PRDM10: variants seen among roughly 807,000 people sequenced by gnomAD.
PRDM10 encodes the protein PR domain zinc finger protein 10.
In PRDM10, 65 loss-of-function variants were observed where a neutral mutation model predicts 133.1. That is an observed-to-expected ratio of 0.49 (90% CI 0.40 to 0.60). The LOEUF (loss-of-function observed/expected upper bound fraction) is 0.60. PRDM10 is among the 20% of genes least tolerant of loss of function. PRDM10 has a pLI of 0.00. For missense variants in PRDM10, 1,137 were observed against 1,507.1 expected, an observed-to-expected ratio of 0.75 and a Z score of 4.07; for synonymous variants, 582 against 580.4, an observed-to-expected ratio of 1.00 and a Z score of -0.04.
intron 10 of PRDM10, among the ~76,000 whole-genome samples, chr11:129,931,519 C>T (rs1459242362): frequency 1.3e-5 from 2 of 151,938 alleles, no homozygotes; most frequent in Non-Finnish European, 2.9e-5. Flanking sequence ...ACAAAGTCCA[C>T]CTCTACTAAC....
rs994584906 is a variant in PRDM10, at chr11:129,947,012, G to A, written c.520+133C>T. 1.6e-6 allele frequency: 2 copies of A among 1,247,174 alleles called. No homozygotes were observed. The highest frequency in any genetic ancestry group is 1.5e-5 in the African/African-American group (1 of 66,474). The allele number at this position is 1,247,174 out of a possible 1,614,324, so 77.3% of individuals were successfully genotyped here. On this transcript the variant is annotated intron_variant, in intron 5 of 20. Coordinates refer to ENST00000360871, the MANE Select transcript of PRDM10 (RefSeq NM_199437.2). This position sits in a 1 kb window ranked among gnomAD's most constrained non-coding sequence, Gnocchi z 4.6. ...GTGAAGGCCAGGTGGGATGAAGCAA[G>A]CAGAGAATGTAGCACAGTTGGCTGC... is the stretch of plus-strand genomic sequence containing the variant.
chr11:129,932,048 T>C (rs1425141211), intron 10 of PRDM10, 54 bp downstream of exon 10: 3 of 1,574,430 alleles, frequency 1.9e-6, no homozygotes, highest in African/African-American at 2.7e-5. Flanking sequence ...GTCAGGGATC[T>C]GGCGAGTCCT....
intron 3 of PRDM10, among the ~76,000 whole-genome samples, chr11:129,957,471 C>T (rs184768871): frequency 3.3e-5 from 5 of 152,200 alleles, no homozygotes; most frequent in African/African-American, 1.2e-4. Context: ...GTGCCCACCA[C>T]CACGCCCAGC....
intron 1 of PRDM10, among the ~76,000 whole-genome samples, chr11:130,000,584 G>C (rs1939298012): frequency 6.6e-6 from 1 of 152,146 alleles, no homozygotes; most frequent in Non-Finnish European, 1.5e-5. Flanking sequence ...ATATGTGGTG[G>C]AGCATGCTAC....
At chr11:129,999,893 CTT>C (rs762159678) in intron 1 of PRDM10, among the ~76,000 whole-genome samples, 42 of 152,260 alleles carry the variant, frequency 2.8e-4, no homozygotes, top group Middle Eastern at 6.8e-3. Context: ...CTATTTACGT[CTT>C]GTTTTAAAAA....
At chr11:129,967,849 A>T (rs12288311) in intron 1 of PRDM10, among the ~76,000 whole-genome samples, 29,039 of 152,084 alleles carry the variant, frequency 0.19, 5,217 homozygotes, top group East Asian at 0.51. Flanking sequence ...CCAGTGTGCC[A>T]GCCTCCACCA....
At chr11:129,924,771 T>C in intron 12 of PRDM10, 111 bp downstream of exon 12, 1 of 926,406 alleles carries the variant, frequency 1.1e-6, no homozygotes, top group South Asian at 1.7e-5. Flanking sequence ...GTAAAGTTGT[T>C]TCAAAGAAGG....
rs1949796955 is a variant in PRDM10 at position 129,899,870 on chromosome 11, G to C, written c.*2443C>G. On this transcript the variant is annotated 3_prime_UTR_variant, in exon 21 of 21. Transcript: ENST00000360871. ...GTCAACATTTTCAACCAGTGGGTCA[G>C]CTTTAGCATCTCATGAAGTGCTTTT... The C allele has an allele frequency of 6.6e-6, 1 of 152,640 alleles. No individual in the cohort carries two copies. Among genetic ancestry groups the C allele is most frequent in the African/African-American group, 2.4e-5 (1 of 41,456 alleles). 9.5% of individuals were successfully genotyped at this position (152,640 alleles called of 1,614,324 possible).
intron 18 of PRDM10, 59 bp downstream of exon 18, chr11:129,912,026 A>G: frequency 2.7e-6 from 4 of 1,476,240 alleles, no homozygotes; most frequent in Non-Finnish European, 2.7e-6. Context: ...CCCTCTCATT[A>G]ACTCTGATAA....
rs1951464361 is a variant in PRDM10, at chr11:129,947,674, C to T, written c.295-304G>A. 1 of 770,952 alleles carries T rather than the reference C, an allele frequency of 1.3e-6. No homozygotes were observed. The highest frequency in any genetic ancestry group is 3.2e-5 in the Admixed American group (1 of 31,140). The allele number at this position is 770,952 out of a possible 1,614,324, so 47.8% of individuals were successfully genotyped here. On this transcript the variant is annotated intron_variant, in intron 4 of 20. Coordinates refer to ENST00000360871, the MANE Select transcript of PRDM10 (RefSeq NM_199437.2). This position sits in a 1 kb window ranked among gnomAD's most constrained non-coding sequence, Gnocchi z 4.6. ...TTTGGCAGCAGTGGGAGAGTCAACACTGGCAAGGCCCTGACCACCTGCGTC... is the reference window on the plus strand; with the variant it reads ...TTTGGCAGCAGTGGGAGAGTCAACATTGGCAAGGCCCTGACCACCTGCGTC...
In PRDM10 at chr11:129,931,091, C is replaced by T. The variant is rs1437681431; in HGVS notation, c.1455G>A (p.Pro485=). 8 of 1,614,052 alleles carry T rather than the reference C, an allele frequency of 5.0e-6. No individual in the cohort carries two copies. The highest frequency in any genetic ancestry group is 1.3e-5 in the African/African-American group (1 of 74,914). Residue 485 remains proline, a synonymous_variant, in exon 11 of 21, where the codon CCG becomes CCA. Transcript: ENST00000360871. ...EPETHTLHLQ[P]QHEESVVPTQ... ...TGGGCACCACGCTCTCTTCATGCTGCGGCTGCAGGTGCAGGGTGTGAGTTT... is the reference window on the plus strand; with the variant it reads ...TGGGCACCACGCTCTCTTCATGCTGTGGCTGCAGGTGCAGGGTGTGAGTTT...
chr11:129,958,178 T>A (rs1951732185), intron 2 of PRDM10, among the ~76,000 whole-genome samples: 1 of 152,144 alleles, frequency 6.6e-6, no homozygotes. Context: ...GGTTAATTGA[T>A]CCTGGAAACG....
rs566135272 is a variant in PRDM10, at chr11:129,979,635, GT to G, written c.-118-18554del. Among the ~76,000 whole-genome samples the G allele has an allele frequency of 3.6e-3, 546 of 152,270 alleles. 4 individuals are homozygous for G. Among genetic ancestry groups the G allele is most frequent in the Middle Eastern group, 0.017 (5 of 294 alleles). On this transcript the variant is annotated intron_variant, in intron 1 of 20. Transcript: ENST00000360871. ...CTTCTATCCCACTGTGTTTTGACTT[GT>G]TTTTTTGACCAGCACAGTCTGGTAA... is the stretch of plus-strand genomic sequence containing the variant.
At chr11:129,989,198 G>A (rs1165211429) in intron 1 of PRDM10, among the ~76,000 whole-genome samples, 1 of 152,106 alleles carries the variant, frequency 6.6e-6, no homozygotes, top group Non-Finnish European at 1.5e-5. Flanking sequence ...CCAGCACTTT[G>A]GGAGGCTGAG....
At chr11:129,954,495 C>G (rs1024283060) in intron 4 of PRDM10, among the ~76,000 whole-genome samples, 9 of 151,972 alleles carry the variant, frequency 5.9e-5, no homozygotes, top group Non-Finnish European at 1.2e-4. Context: ...GAACTCCTGA[C>G]CTCAATTGAT....
chr11:130,000,709 T>C (rs1269533473), intron 1 of PRDM10, among the ~76,000 whole-genome samples: 1 of 152,200 alleles, frequency 6.6e-6, no homozygotes, highest in Non-Finnish European at 1.5e-5. Context: ...CACAAGACAT[T>C]TGTCTTGATC....
chr11:129,981,265 G>A (rs144285014), intron 1 of PRDM10, among the ~76,000 whole-genome samples: 4 of 152,154 alleles, frequency 2.6e-5, no homozygotes, highest in Middle Eastern at 3.4e-3. Context: ...ACAGTGAATC[G>A]GGGAAAAATT....
At chr11:129,920,598 C>G (rs759594124) in intron 13 of PRDM10, among the ~76,000 whole-genome samples, 6 of 151,892 alleles carry the variant, frequency 4.0e-5, no homozygotes, top group Non-Finnish European at 8.8e-5. Context: ...TCTTGCCACA[C>G]CCTCCATCAG....
chr11:129,931,220 C>G lies in PRDM10; in HGVS notation c.1326G>C (p.Glu442Asp), dbSNP rs1950846578. Residue 442 changes from glutamate to aspartate, a missense_variant, in exon 11 of 21, where the codon GAG becomes GAC. By Grantham distance (45) the Glu-to-Asp change is conservative. Transcript: ENST00000360871. ...GCCCATTCAGAGTGGCTGGTTCAGC[C>G]TCATCAAATTGCTCCTTTGTGGGAA... ...LHFPTKEQFD[E>D]AEPATLNGLD... is the part of the protein sequence containing the mutation. 1 of 1,613,904 alleles carries G rather than the reference C, an allele frequency of 6.2e-7. No homozygotes were observed. The highest frequency in any genetic ancestry group is 8.5e-7 in the Non-Finnish European group (1 of 1,179,964).
Sources: gnomAD v4.1 joint callset for allele counts (sites outside exome capture counted in the v4.1 genomes callset) on GRCh38, gnomAD v4.1.1 for gene constraint, Gnocchi (gnomAD v3.1) non-coding constraint, MANE v1.5 for transcripts, NCBI Gene and HGNC (gene_info 2026-07-23, HGNC 2026-07-21) for gene names.